KLC1: variants seen among roughly 807,000 people sequenced by gnomAD.
KLC1 encodes the protein kinesin 2 60/70kDa.
In KLC1, 30 loss-of-function variants were observed where a neutral mutation model predicts 84.2. The ratio of observed to expected loss-of-function variants is 0.36; its 90% CI spans 0.27 to 0.48. The LOEUF (loss-of-function observed/expected upper bound fraction) is 0.48, where lower values mean the gene tolerates loss of function less well. Among genes scored for constraint, KLC1 ranks in the 20% least tolerant of loss-of-function variants. The pLI, the probability that KLC1 is intolerant of heterozygous loss-of-function variation, is 0.99. For synonymous variants in KLC1, 289 were observed against 293.3 expected, an observed-to-expected ratio of 0.99 and a Z score of 0.15; for missense variants, 499 against 805.4, an observed-to-expected ratio of 0.62 and a Z score of 4.60.
chr14:103,701,256 G>A lies in KLC1; in HGVS notation c.*57G>A, dbSNP rs1224598674. On this transcript the variant is annotated 3_prime_UTR_variant, in exon 17 of 17. Coordinates refer to ENST00000334553, the MANE Select transcript of KLC1 (RefSeq NM_001394837.1). ...GACTGCCGAGTGTGGCCCGGAGCTG[G>A]CCCGGGACAGCCAGGGCGGCAGGGA... is the stretch of plus-strand genomic sequence containing the variant. 3 of 1,538,358 alleles carry A rather than the reference G, an allele frequency of 2.0e-6. No homozygotes were observed. Among genetic ancestry groups the A allele is most frequent in the East Asian group, 2.5e-5 (1 of 40,812 alleles).
intron 2 of KLC1, among the ~76,000 whole-genome samples, chr14:103,655,921 C>CA (rs1346284085): frequency 6.6e-6 from 1 of 152,060 alleles, no homozygotes; most frequent in South Asian, 2.1e-4. Flanking sequence ...CTGCCAGTAT[C>CA]AAAAAAACAA....
intron 1 of KLC1, among the ~76,000 whole-genome samples, chr14:103,652,950 G>A (rs1481330568): frequency 1.4e-4 from 21 of 152,116 alleles, no homozygotes; most frequent in African/African-American, 7.2e-5. Context: ...AGAGACTAAC[G>A]TGACCCTATT....
rs1167864900 is a variant in KLC1, at chr14:103,693,948, C to T, written c.1848+1523C>T. 1 of 1,207,840 alleles carries T rather than the reference C, an allele frequency of 8.3e-7. No individual in the cohort carries two copies. Among genetic ancestry groups the T allele is most frequent in the East Asian group, 4.0e-5 (1 of 24,810 alleles). 74.8% of individuals were successfully genotyped at this position (1,207,840 alleles called of 1,614,324 possible). ...ATGCTGTTGCATTTCCTGCCTGCCA[C>T]CTTTTTGCCATGACACCAGACTCTC... On this transcript the variant is annotated intron_variant, in intron 15 of 16. Transcript: ENST00000334553. This position sits in a 1 kb window ranked among gnomAD's most constrained non-coding sequence, Gnocchi z 5.1.
intron 1 of KLC1, among the ~76,000 whole-genome samples, chr14:103,637,538 AAAAG>A (rs1346130243): frequency 3.3e-5 from 5 of 152,180 alleles, no homozygotes; most frequent in South Asian, 2.1e-4. Flanking sequence ...TCAAAAAAAA[AAAAG>A]AAATTTTCGC....
chr14:103,676,347 C>T (rs910705234), intron 11 of KLC1, among the ~76,000 whole-genome samples: 1 of 152,130 alleles, frequency 6.6e-6, no homozygotes, highest in Non-Finnish European at 1.5e-5. Context: ...TGGCTCACTG[C>T]AACCTCCACC....
chr14:103,641,348 T>G (rs138483015), intron 1 of KLC1, among the ~76,000 whole-genome samples: 133 of 122,438 alleles, frequency 1.1e-3, no homozygotes, highest in African/African-American at 3.5e-3. Context: ...TCCTGCTCTG[T>G]GGCTGTTTTC....
At chr14:103,636,711 T>G (rs2077069842) in intron 1 of KLC1, among the ~76,000 whole-genome samples, 1 of 151,850 alleles carries the variant, frequency 6.6e-6, no homozygotes, top group Non-Finnish European at 1.5e-5. Flanking sequence ...ATTTTTAAGT[T>G]CCTTACATAT....
intron 3 of KLC1, among the ~76,000 whole-genome samples, chr14:103,661,537 A>G (rs2079293983): frequency 6.6e-6 from 1 of 152,186 alleles, no homozygotes; most frequent in African/African-American, 2.4e-5. Context: ...GCCTCATGAC[A>G]AAGCTAATTT....
At position 103,662,770 on chromosome 14, in the gene KLC1, C is replaced by A; in HGVS notation, c.640C>A (p.Arg214=). ...CGGCTACGAGATCCCCGCGCGGCTG[C>A]GGACGCTCCACAACCTGGTGATCCA... is the stretch of plus-strand genomic sequence containing the variant. ...QGGYEIPARL[R]TLHNLVIQYA... is the part of the protein sequence containing the mutation. Residue 214 remains arginine, a synonymous_variant, in exon 5 of 17, where the codon CGG becomes AGG. Transcript: ENST00000334553. The A allele has an allele frequency of 6.2e-7, 1 of 1,611,794 alleles. No individual in the cohort carries two copies. Among genetic ancestry groups the A allele is most frequent in the Admixed American group, 1.7e-5 (1 of 59,740 alleles).
chr14:103,673,237 C>G, intron 8 of KLC1, 50 bp downstream of exon 8: 1 of 1,572,506 alleles, frequency 6.4e-7, no homozygotes. Flanking sequence ...GCTTTCGTCC[C>G]AAGTCCAAAC....
chr14:103,680,033 C>A (rs1443221088), intron 13 of KLC1, among the ~76,000 whole-genome samples: 1 of 152,194 alleles, frequency 6.6e-6, no homozygotes, highest in African/African-American at 2.4e-5. Context: ...CATGGCTGCT[C>A]TCTTGATGTC....
Position 103,701,451 on chromosome 14 carries a change from C to T in KLC1, c.*252C>T. The T allele has an allele frequency of 6.8e-6, 3 of 438,794 alleles. No homozygotes were observed. Among genetic ancestry groups the T allele is most frequent in the Non-Finnish European group, 1.2e-5 (3 of 244,340 alleles). The allele number at this position is 438,794 out of a possible 1,614,324, so 27.2% of individuals were successfully genotyped here. A position where few individuals can be genotyped will look rare whatever the true frequency, so the allele number is the denominator to read the frequency against. On this transcript the variant is annotated 3_prime_UTR_variant, in exon 17 of 17. Transcript: ENST00000334553. ...CAGGAGACCTGGGGCATGAGCTGGG[C>T]CCACGGCTCCCTTCCCATGTGTAAC...
At chr14:103,650,788 C>T (rs982743548) in intron 1 of KLC1, among the ~76,000 whole-genome samples, 3 of 151,654 alleles carry the variant, frequency 2.0e-5, no homozygotes, top group African/African-American at 7.3e-5. Flanking sequence ...CCATGTTGGC[C>T]AGGCTTGTCT....
At chr14:103,642,263 G>A (rs1029724346) in intron 1 of KLC1, among the ~76,000 whole-genome samples, 2 of 152,022 alleles carry the variant, frequency 1.3e-5, no homozygotes, top group Non-Finnish European at 2.9e-5. Flanking sequence ...TAATCCCACC[G>A]TGAGGGGTCC....
chr14:103,674,475 T>C (rs1011771570), intron 9 of KLC1, among the ~76,000 whole-genome samples: 2 of 151,806 alleles, frequency 1.3e-5, no homozygotes, highest in African/African-American at 4.8e-5. Context: ...AGTGCAATGA[T>C]GTGATCTTGG....
Position 103,701,224 on chromosome 14 carries a change from A to G in KLC1, c.*25A>G. The G allele has an allele frequency of 6.4e-7, 1 of 1,550,430 alleles. No homozygotes were observed. The highest frequency in any genetic ancestry group is 2.4e-5 in the East Asian group (1 of 40,898). On this transcript the variant is annotated 3_prime_UTR_variant, in exon 17 of 17. Transcript: ENST00000334553. ...AGTGACCCCGACCTGGCCCCGCTCC[A>G]GGATGGGACTGCCGAGTGTGGCCCG... is the stretch of plus-strand genomic sequence containing the variant.
chr14:103,698,846 C>A, intron 15 of KLC1: 1 of 1,607,316 alleles, frequency 6.2e-7, no homozygotes. Flanking sequence ...CGGCACTGAT[C>A]GTGTAGGAAC....
intron 13 of KLC1, among the ~76,000 whole-genome samples, chr14:103,684,461 C>T (rs975384959): frequency 2.0e-5 from 3 of 152,210 alleles, no homozygotes; most frequent in South Asian, 2.1e-4. Flanking sequence ...GGGCAGCCGC[C>T]GGCCTTCCCC....
chr14:103,639,435 C>G (rs1363321433), intron 1 of KLC1, among the ~76,000 whole-genome samples: 1 of 151,562 alleles, frequency 6.6e-6, no homozygotes, highest in Non-Finnish European at 1.5e-5. Context: ...CTGGCTCTTT[C>G]TTGTCTTTTA....
Sources: gnomAD v4.1 joint callset for allele counts (sites outside exome capture counted in the v4.1 genomes callset) on GRCh38, gnomAD v4.1.1 for gene constraint, Gnocchi (gnomAD v3.1) non-coding constraint, MANE v1.5 for transcripts, NCBI Gene and HGNC (gene_info 2026-07-23, HGNC 2026-07-21) for gene names.